NR6A1: variants seen among roughly 807,000 people sequenced by gnomAD.
NR6A1 encodes the protein retinoic acid receptor-related testis-associated receptor.
In NR6A1, 7 loss-of-function variants were observed where a neutral mutation model predicts 59.1. That is an observed-to-expected ratio of 0.12 (90% CI 0.07 to 0.22). NR6A1 has a LOEUF of 0.22. Among genes scored for constraint, NR6A1 ranks in the 10% least tolerant of loss-of-function variants. NR6A1 has a pLI of 1.00. For synonymous variants in NR6A1, 243 were observed against 236.1 expected, an observed-to-expected ratio of 1.03 and a Z score of -0.27; for missense variants, 468 against 611.6, an observed-to-expected ratio of 0.77 and a Z score of 2.48.
Position 124,714,940 on chromosome 9 carries a change from C to CT in NR6A1, c.142+18367dup, listed in dbSNP as rs1588821123. On this transcript the variant is annotated intron_variant, in intron 2 of 9. Coordinates refer to ENST00000487099, the MANE Select transcript of NR6A1 (RefSeq NM_033334.4). ...ATTGGCTGGGCACGGTGACTCATGC[C>CT]TGTAATCCCAGCACTTTCGGAGGCC... Among the ~76,000 whole-genome samples the CT allele has an allele frequency of 6.6e-5, 10 of 152,252 alleles. 2 individuals are homozygous for CT. Among genetic ancestry groups the CT allele is most frequent in the Admixed American group, 1.3e-4 (2 of 15,300 alleles).
intron 2 of NR6A1, among the ~76,000 whole-genome samples, chr9:124,729,127 T>C (rs1221236802): frequency 6.6e-6 from 1 of 152,196 alleles, no homozygotes; most frequent in Non-Finnish European, 1.5e-5. Flanking sequence ...TTTTCTATTT[T>C]AGTGATGGAT....
chr9:124,522,674 T>C lies in NR6A1; in HGVS notation c.*31A>G, dbSNP rs1168540115. On this transcript the variant is annotated 3_prime_UTR_variant, in exon 10 of 10. Transcript: ENST00000487099. ...CCTGTCCTGCCCACCCAAGACGCTG[T>C]GGTTGGCCTGAGGAGGGCGCCTGGA... 1 of 1,536,360 alleles carries C rather than the reference T, an allele frequency of 6.5e-7. No individual in the cohort carries two copies.
At chr9:124,720,413 C>T (rs575173426) in intron 2 of NR6A1, among the ~76,000 whole-genome samples, 1 of 152,254 alleles carries the variant, frequency 6.6e-6, no homozygotes, top group Admixed American at 6.5e-5. Flanking sequence ...GGAAGTCAAA[C>T]AAAATACATC....
At chr9:124,758,543 G>A (rs1209691327) in intron 1 of NR6A1, among the ~76,000 whole-genome samples, 1 of 152,152 alleles carries the variant, frequency 6.6e-6, no homozygotes, top group African/African-American at 2.4e-5. Flanking sequence ...GTGTGGCATG[G>A]AGGGGTTATA....
chr9:124,606,166 G>A lies in NR6A1; in HGVS notation c.143-51596C>T, dbSNP rs541559708. Among the ~76,000 whole-genome samples, 106 of 152,066 alleles carry A rather than the reference G, an allele frequency of 7.0e-4. 1 individual carries two copies. The highest frequency in any genetic ancestry group is 1.3e-3 in the Admixed American group (20 of 15,270). ...GTGCTATTTGCAGTTTCCCAAATGC[G>A]CCTTTGCATGTAGTGTTACTTCTGC... is the stretch of plus-strand genomic sequence containing the variant. On this transcript the variant is annotated intron_variant, in intron 2 of 9. Transcript: ENST00000487099.
chr9:124,538,350 C>T, intron 5 of NR6A1, 31 bp from the exon 6 acceptor site: 1 of 1,552,600 alleles, frequency 6.4e-7, no homozygotes, highest in Non-Finnish European at 8.9e-7. Flanking sequence ...TCAAACAGAG[C>T]CATGGCAAGT....
rs189277040 is a variant in NR6A1 at position 124,757,319 on chromosome 9, A to G, written c.100+13701T>C. On this transcript the variant is annotated intron_variant, in intron 1 of 9. Transcript: ENST00000487099. Reference sequence around the variant, plus strand: ...ACCTATCTAAATGGCCAGCAATGAAAAACAATGGGCTGTCATACAGCTATC... The same window carrying G: ...ACCTATCTAAATGGCCAGCAATGAAGAACAATGGGCTGTCATACAGCTATC... Among the ~76,000 whole-genome samples the G allele has an allele frequency of 3.9e-5, 6 of 152,260 alleles. No individual in the cohort carries two copies. The East Asian group carries it at 9.6e-4, about 24-fold the overall frequency.
chr9:124,604,627 G>T (rs1283604038), intron 2 of NR6A1, among the ~76,000 whole-genome samples: 4 of 152,050 alleles, frequency 2.6e-5, no homozygotes, highest in Non-Finnish European at 5.9e-5. Flanking sequence ...TGGGCAATAT[G>T]GCAAAACCCC....
chr9:124,736,838 G>C (rs1244321659), intron 1 of NR6A1, among the ~76,000 whole-genome samples: 1 of 151,936 alleles, frequency 6.6e-6, no homozygotes, highest in East Asian at 1.9e-4. Flanking sequence ...AGTGAGACCA[G>C]GTCTCAAAAA....
chr9:124,666,884 C>A (rs1368861715), intron 2 of NR6A1, among the ~76,000 whole-genome samples: 3 of 152,124 alleles, frequency 2.0e-5, no homozygotes, highest in East Asian at 1.9e-4. Flanking sequence ...CAGGTTCCTT[C>A]CCTGGCGGGG....
At chr9:124,754,446 T>C (rs1384132302) in intron 1 of NR6A1, among the ~76,000 whole-genome samples, 1 of 152,222 alleles carries the variant, frequency 6.6e-6, no homozygotes, top group Non-Finnish European at 1.5e-5. Context: ...ACCGTTGGAA[T>C]ACCAGCATTT....
At position 124,558,596 on chromosome 9, in the gene NR6A1, T is replaced by C. The variant is rs566090155; in HGVS notation, c.143-4026A>G. Reference sequence around the variant, plus strand: ...GCTCTGGCCAAGCACTTAACATACATTACTGTGCTGAATAATCACAATTAT... The same window carrying C: ...GCTCTGGCCAAGCACTTAACATACACTACTGTGCTGAATAATCACAATTAT... On this transcript the variant is annotated intron_variant, in intron 2 of 9. Coordinates refer to ENST00000487099, the MANE Select transcript of NR6A1 (RefSeq NM_033334.4). 1.1e-3 allele frequency among the ~76,000 whole-genome samples: 175 copies of C among 152,250 alleles called. 1 individual carries two copies. The highest frequency in any genetic ancestry group is 3.8e-3 in the African/African-American group (159 of 41,536).
intron 2 of NR6A1, among the ~76,000 whole-genome samples, chr9:124,690,541 AT>A (rs543369267): frequency 1.0e-4 from 15 of 147,246 alleles, no homozygotes; most frequent in East Asian, 2.0e-4. Flanking sequence ...TCAGCCTATA[AT>A]TTTTTTTTTT....
At chr9:124,642,123 A>G (rs1223621422) in intron 2 of NR6A1, among the ~76,000 whole-genome samples, 1 of 151,982 alleles carries the variant, frequency 6.6e-6, no homozygotes, top group Non-Finnish European at 1.5e-5. Flanking sequence ...ATCTCAGCTC[A>G]CTGCAACCTC....
At chr9:124,536,192 C>G (rs1222536465) in intron 6 of NR6A1, 60 bp from the exon 7 acceptor site, 1 of 1,565,848 alleles carries the variant, frequency 6.4e-7, no homozygotes, top group Non-Finnish European at 8.7e-7. Flanking sequence ...GATAAGGGTA[C>G]AGAGAGAAGG....
intron 2 of NR6A1, among the ~76,000 whole-genome samples, chr9:124,679,345 G>A (rs536527933): frequency 1.1e-4 from 17 of 152,254 alleles, no homozygotes; most frequent in Admixed American, 4.6e-4. Context: ...TTGTTAAGCT[G>A]TAAACTGACT....
At chr9:124,639,392 A>T (rs1206347390) in intron 2 of NR6A1, among the ~76,000 whole-genome samples, 1 of 152,210 alleles carries the variant, frequency 6.6e-6, no homozygotes, top group Non-Finnish European at 1.5e-5. Flanking sequence ...CTCTTACTGA[A>T]GCCCAGCAAT....
chr9:124,705,595 G>A (rs1225324578), intron 2 of NR6A1, among the ~76,000 whole-genome samples: 1 of 152,094 alleles, frequency 6.6e-6, no homozygotes, highest in Non-Finnish European at 1.5e-5. Flanking sequence ...ATAGAGCTGT[G>A]TTTTGCCTTT....
In NR6A1 at chr9:124,554,384, T is replaced by A; in HGVS notation, c.329A>T (p.Asn110Ile). 1 of 1,614,140 alleles carries A rather than the reference T, an allele frequency of 6.2e-7. No individual in the cohort carries two copies. The highest frequency in any genetic ancestry group is 8.5e-7 in the Non-Finnish European group (1 of 1,179,992). ...GAGCAGGCGGCAGTACTGGCACCTG[T>A]TCCTCTGCTTCCGAGACATGACACA... ...KNCVMSRKQRNRCQYCRLLKC... is the reference protein window; with the variant it reads ...KNCVMSRKQRIRCQYCRLLKC... Residue 110 changes from asparagine (N) to isoleucine (I), a missense_variant, in exon 3 of 10, where the codon AAC becomes ATC. Physicochemically the swap from Asn to Ile is moderately radical, Grantham distance 149 (BLOSUM62 -3). This residue lies in a region of NR6A1 where 66 missense variants were observed against 139.2 expected (regional missense o/e 0.47). Transcript: ENST00000487099.
Sources: allele counts gnomAD v4.1 joint callset (sites outside exome capture counted in the v4.1 genomes callset), GRCh38; gene constraint gnomAD v4.1.1; regional missense constraint gnomAD v4.1.1; transcripts MANE v1.5; gene names NCBI Gene and HGNC (gene_info 2026-07-23, HGNC 2026-07-21).